Variants in SHROOM3 observed in about 807,000 individuals in gnomAD.
SHROOM3 encodes the protein shroom family member 3, also known as protein Shroom3.
SHROOM3 carries 47 observed loss-of-function variants against 138.6 expected under a neutral mutation model. That is an observed-to-expected ratio of 0.34 (90% confidence interval 0.27 to 0.43). SHROOM3 has a LOEUF of 0.43. SHROOM3 is among the 20% of genes least tolerant of loss of function. The pLI, the probability that SHROOM3 is intolerant of heterozygous loss-of-function variation, is 1.00. For synonymous variants in SHROOM3, 1,062 were observed against 1,063.3 expected, an observed-to-expected ratio of 1.00 and a Z score of 0.02; for missense variants, 2,491 against 2,596.5, an observed-to-expected ratio of 0.96 and a Z score of 0.88.
intron 3 of SHROOM3, among the ~76,000 whole-genome samples, chr4:76,711,069 G>C (rs1720216928): frequency 6.6e-6 from 1 of 152,192 alleles, no homozygotes; most frequent in African/African-American, 2.4e-5. Context: ...GTATAATGCT[G>C]TGTGAATATA....
At chr4:76,682,975 C>T (rs1251989821) in intron 2 of SHROOM3, among the ~76,000 whole-genome samples, 1 of 152,168 alleles carries the variant, frequency 6.6e-6, no homozygotes, top group East Asian at 1.9e-4. Flanking sequence ...CTAGACAGTA[C>T]CATCCAAGAT....
intron 1 of SHROOM3, among the ~76,000 whole-genome samples, chr4:76,445,418 A>T (rs143292499): frequency 2.0e-5 from 3 of 152,190 alleles, no homozygotes; most frequent in African/African-American, 7.2e-5. Flanking sequence ...TTCCAGAGTG[A>T]TAGTGTCTGT....
chr4:76,498,952 T>C (rs1476337706), intron 1 of SHROOM3, among the ~76,000 whole-genome samples: 1 of 152,152 alleles, frequency 6.6e-6, no homozygotes, highest in East Asian at 1.9e-4. Context: ...ACAGCTGTAT[T>C]TTTCTAACCA....
Position 76,693,370 on chromosome 4 carries a change from G to GTTTTTTTTTTTTTTTTTT in SHROOM3, c.324-16780_324-16763dup, listed in dbSNP as rs10648549. On this transcript the variant is annotated intron_variant, in intron 2 of 10. Transcript: ENST00000296043. ...TGCATACCTTCATTTTGATAAGTTT[G>GTTTTTTTTTTTTTTTTTT]TTTTTTTTTTTTTTTTTTTTTTTAA... Among the ~76,000 whole-genome samples, 75 of 79,832 alleles carry GTTTTTTTTTTTTTTTTTT rather than the reference G, an allele frequency of 9.4e-4. 14 individuals carry two copies. Among genetic ancestry groups the GTTTTTTTTTTTTTTTTTT allele is most frequent in the African/African-American group, 3.4e-3 (66 of 19,564 alleles). 52.4% of individuals were successfully genotyped at this position (79,832 alleles called of 152,430 possible). A position where few individuals can be genotyped will look rare whatever the true frequency, so the allele number is the denominator to read the frequency against.
rs56790422 is a variant in SHROOM3 at position 76,469,917 on chromosome 4, C to T, written c.168+33697C>T. Among the ~76,000 whole-genome samples the T allele has an allele frequency of 6.1e-3, 931 of 152,224 alleles. 8 individuals are homozygous for T. Among genetic ancestry groups the T allele is most frequent in the East Asian group, 0.043 (220 of 5,176 alleles). On this transcript the variant is annotated intron_variant, in intron 1 of 10. Transcript: ENST00000296043. ...TAGGAAGGAAGATTGAGATTTAAGA[C>T]GAAATATGTCAAGAATGGGTCAGTT...
At position 76,568,591 on chromosome 4, in the gene SHROOM3, C is replaced by G. The variant is rs74921650; in HGVS notation, c.323+12828C>G. ...CCTAATTTCCTCCTGCCTTAATGCC[C>G]CTGTGTATCTTCTTAGTAAGGTAGC... On this transcript the variant is annotated intron_variant, in intron 2 of 10. Transcript: ENST00000296043. 4.4e-3 allele frequency among the ~76,000 whole-genome samples: 674 copies of G among 152,236 alleles called. 10 individuals are homozygous for G. The highest frequency in any genetic ancestry group is 0.015 in the African/African-American group (636 of 41,522).
chr4:76,601,377 A>G (rs1363101714), intron 2 of SHROOM3, among the ~76,000 whole-genome samples: 4 of 152,182 alleles, frequency 2.6e-5, no homozygotes, highest in African/African-American at 9.6e-5. Flanking sequence ...CCCAATTGTC[A>G]GTAATGCCAA....
chr4:76,465,907 G>A (rs1232437714), intron 1 of SHROOM3, among the ~76,000 whole-genome samples: 1 of 152,166 alleles, frequency 6.6e-6, no homozygotes, highest in African/African-American at 2.4e-5. Flanking sequence ...AGGTTTTCCT[G>A]TAGAAAAACA....
intron 1 of SHROOM3, among the ~76,000 whole-genome samples, chr4:76,521,780 A>C (rs1732571978): frequency 6.6e-6 from 1 of 152,158 alleles, no homozygotes; most frequent in Non-Finnish European, 1.5e-5. Flanking sequence ...TCATTCAATA[A>C]ACTTTTAAAT....
chr4:76,720,667 C>G (rs1354472180), intron 3 of SHROOM3, among the ~76,000 whole-genome samples: 1 of 148,250 alleles, frequency 6.7e-6, no homozygotes, highest in Non-Finnish European at 1.5e-5. Context: ...GGCTGGAGTG[C>G]AGTGGTGCAA....
intron 1 of SHROOM3, among the ~76,000 whole-genome samples, chr4:76,469,397 C>T (rs1731319291): frequency 1.3e-5 from 2 of 152,028 alleles, no homozygotes; most frequent in South Asian, 2.1e-4. Context: ...AGCAAGGCCA[C>T]CTAAGTCCCC....
At chr4:76,672,765 G>A (rs1299489704) in intron 2 of SHROOM3, among the ~76,000 whole-genome samples, 1 of 152,082 alleles carries the variant, frequency 6.6e-6, no homozygotes, top group Non-Finnish European at 1.5e-5. Flanking sequence ...GTAAAGACAG[G>A]GTTTCACCAT....
chr4:76,678,975 T>A (rs557298622), intron 2 of SHROOM3, among the ~76,000 whole-genome samples: 11 of 152,274 alleles, frequency 7.2e-5, no homozygotes, highest in Admixed American at 7.2e-4. Flanking sequence ...CAATTTTTTT[T>A]AAAAGTAATT....
At chr4:76,514,055 T>TA (rs1418907153) in intron 1 of SHROOM3, among the ~76,000 whole-genome samples, 1 of 152,136 alleles carries the variant, frequency 6.6e-6, no homozygotes, top group Non-Finnish European at 1.5e-5. Flanking sequence ...CTGGTTTAAG[T>TA]AAAAAATATG....
At position 76,778,842 on chromosome 4, in the gene SHROOM3, G is replaced by A; in HGVS notation, c.5656G>A (p.Gly1886Ser). Residue 1886 changes from glycine (G) to serine (S), a missense_variant, in exon 11 of 11, where the codon GGT becomes AGT. Gly to Ser is a moderately conservative substitution (Grantham distance 56). Coordinates refer to ENST00000296043, the MANE Select transcript of SHROOM3 (RefSeq NM_020859.4). Reference protein sequence around the residue: ...SLYEKRKILAGQHEDARELKE... With the variant: ...SLYEKRKILASQHEDARELKE... ...TTACGAGAAAAGGAAGATCCTGGCTGGTCAGCATGAGGATGCCCGGGAGCT... is the reference window on the plus strand; with the variant it reads ...TTACGAGAAAAGGAAGATCCTGGCTAGTCAGCATGAGGATGCCCGGGAGCT... 2 of 1,612,600 alleles carry A rather than the reference G, an allele frequency of 1.2e-6. No individual in the cohort carries two copies. Among genetic ancestry groups the A allele is most frequent in the East Asian group, 4.5e-5 (2 of 44,874 alleles).
At chr4:76,732,238 G>A (rs772804615) in intron 4 of SHROOM3, among the ~76,000 whole-genome samples, 29 of 152,230 alleles carry the variant, frequency 1.9e-4, no homozygotes, top group Non-Finnish European at 3.7e-4. Flanking sequence ...CAAAGGAGAC[G>A]CAAGTGTTGG....
chr4:76,661,808 T>G (rs1411840022), intron 2 of SHROOM3, among the ~76,000 whole-genome samples: 1 of 152,204 alleles, frequency 6.6e-6, no homozygotes, highest in Non-Finnish European at 1.5e-5. Context: ...TGTGTCTAGT[T>G]TGGGGCTATT....
At position 76,778,813 on chromosome 4, in the gene SHROOM3, C is replaced by T. The variant is rs1230870637; in HGVS notation, c.5627C>T (p.Ser1876Phe). The change falls in exon 11 of 11, where the codon TCT becomes TTT. Residue 1876 changes from serine to phenylalanine, a missense_variant. Physicochemically the swap from Ser to Phe is radical, Grantham distance 155 (BLOSUM62 -2). This residue lies in a region of SHROOM3 where 470 missense variants were observed against 595.0 expected (regional missense o/e 0.79). Transcript: ENST00000296043. ...CTGTCCAATTTTCCCTGGCAGAGCT[C>T]TCTTTACGAGAAAAGGAAGATCCTG... is the stretch of plus-strand genomic sequence containing the variant. The part of the protein sequence containing the change: ...GEDASNEERS[S>F]LYEKRKILAG... 1 of 1,612,220 alleles carries T rather than the reference C, an allele frequency of 6.2e-7. No individual in the cohort carries two copies. Among genetic ancestry groups the T allele is most frequent in the Non-Finnish European group, 8.5e-7 (1 of 1,180,034 alleles).
chr4:76,528,604 G>A (rs1732756537), intron 1 of SHROOM3, among the ~76,000 whole-genome samples: 1 of 145,140 alleles, frequency 6.9e-6, no homozygotes. Context: ...GGAGTGCAAT[G>A]GCACAATCCT....
Sources: allele counts gnomAD v4.1 joint callset (sites outside exome capture counted in the v4.1 genomes callset), GRCh38; gene constraint gnomAD v4.1.1; regional missense constraint gnomAD v4.1.1; transcripts MANE v1.5; gene names NCBI Gene and HGNC (gene_info 2026-07-23, HGNC 2026-07-21).